The following ANKS1B variants were observed in gnomAD, a reference collection of about 807,000 sequenced individuals.
ANKS1B encodes ankyrin repeat and sterile alpha motif domain-containing protein 1B.
Under a neutral mutation model 148.3 loss-of-function variants are expected in ANKS1B, and 36 were observed. That is an observed-to-expected ratio of 0.24 (90% confidence interval 0.19 to 0.32). The LOEUF (loss-of-function observed/expected upper bound fraction) is 0.32. ANKS1B is among the 10% of genes least tolerant of loss of function. The probability of loss-of-function intolerance (pLI) is 1.00; values close to 1 mark genes in which losing one functional copy is unlikely to be tolerated. For missense variants in ANKS1B, 1,157 were observed against 1,542.6 expected (o/e 0.75, Z 4.19); for synonymous variants, 542 against 560.8 (o/e 0.97, Z 0.47).
chr12:99,962,142 T>C (rs1350579608), intron 1 of ANKS1B, among the ~76,000 whole-genome samples: 1 of 152,196 alleles, frequency 6.6e-6, no homozygotes, highest in East Asian at 1.9e-4. Flanking sequence ...TACATAGGTA[T>C]ACATGTGCCA....
At chr12:99,217,631 C>T (rs2084419239) in intron 14 of ANKS1B, among the ~76,000 whole-genome samples, 1 of 152,128 alleles carries the variant, frequency 6.6e-6, no homozygotes, top group South Asian at 2.1e-4. Flanking sequence ...TAGACCTGGT[C>T]CCTTTTCTCA....
chr12:99,467,020 C>T (rs2096130807), intron 10 of ANKS1B, among the ~76,000 whole-genome samples: 1 of 152,190 alleles, frequency 6.6e-6, no homozygotes, highest in South Asian at 2.1e-4. Flanking sequence ...CCTTGATGAA[C>T]ACTGATGCAA....
At chr12:99,108,474 C>A (rs895509178) in intron 15 of ANKS1B, among the ~76,000 whole-genome samples, 15 of 152,068 alleles carry the variant, frequency 9.9e-5, no homozygotes, top group African/African-American at 2.2e-4. Flanking sequence ...GGAATTGGGG[C>A]CCTGAAGAAA....
At chr12:99,648,209 C>T (rs2098390595) in intron 9 of ANKS1B, 1 of 1,614,110 alleles carries the variant, frequency 6.2e-7, no homozygotes, top group South Asian at 1.1e-5. Flanking sequence ...TATTACACGG[C>T]CCAAAGCAGC....
chr12:99,818,307 T>C (rs1457352680), intron 2 of ANKS1B, among the ~76,000 whole-genome samples: 1 of 151,822 alleles, frequency 6.6e-6, no homozygotes, highest in Non-Finnish European at 1.5e-5. Flanking sequence ...GCATGAAATA[T>C]TCAGTCATTG....
chr12:99,811,630 G>A (rs779598877), intron 3 of ANKS1B, among the ~76,000 whole-genome samples: 9 of 151,602 alleles, frequency 5.9e-5, no homozygotes, highest in African/African-American at 2.2e-4. Context: ...AACTTATTCT[G>A]GGCATATGTG....
chr12:99,431,321 T>C (rs1274265577), intron 11 of ANKS1B, among the ~76,000 whole-genome samples: 1 of 152,106 alleles, frequency 6.6e-6, no homozygotes, highest in African/African-American at 2.4e-5. Flanking sequence ...GATACCACTC[T>C]GTAACATCAT....
At chr12:99,648,672 G>A (rs1025377185) in intron 9 of ANKS1B, 1 of 1,614,014 alleles carries the variant, frequency 6.2e-7, no homozygotes, top group African/African-American at 1.3e-5. Context: ...TTGTTCACTG[G>A]GAAAACCTTG....
intron 8 of ANKS1B, among the ~76,000 whole-genome samples, chr12:99,663,850 TG>T (rs1209214150): frequency 6.6e-6 from 1 of 152,182 alleles, no homozygotes; most frequent in African/African-American, 2.4e-5. Context: ...ACAATTCCTC[TG>T]AAACGCTTAG....
At chr12:98,882,899 A>G (rs1253163917) in intron 17 of ANKS1B, among the ~76,000 whole-genome samples, 5 of 152,224 alleles carry the variant, frequency 3.3e-5, no homozygotes, top group Non-Finnish European at 7.4e-5. Context: ...TTGAAATACC[A>G]TGCAGTAATG....
At chr12:99,082,159 C>T (rs1380896147) in intron 16 of ANKS1B, among the ~76,000 whole-genome samples, 1 of 152,082 alleles carries the variant, frequency 6.6e-6, no homozygotes, top group African/African-American at 2.4e-5. Flanking sequence ...ATAAGACAGT[C>T]AAGGTCCCTG....
At chr12:99,370,138 A>C (rs185211427) in intron 12 of ANKS1B, among the ~76,000 whole-genome samples, 1 of 152,280 alleles carries the variant, frequency 6.6e-6, no homozygotes, top group African/African-American at 2.4e-5. Flanking sequence ...AGTCTTCAGC[A>C]GCTAACGGCA....
chr12:98,823,706 G>T (rs1386656441), intron 19 of ANKS1B, among the ~76,000 whole-genome samples: 2 of 152,264 alleles, frequency 1.3e-5, no homozygotes, highest in Non-Finnish European at 2.9e-5. Flanking sequence ...TGGCCAGGCT[G>T]GTCTCAAACT....
intron 3 of ANKS1B, among the ~76,000 whole-genome samples, chr12:99,808,793 T>C (rs1404969922): frequency 2.0e-5 from 3 of 152,064 alleles, no homozygotes; most frequent in Non-Finnish European, 4.4e-5. Context: ...GAAAGGCCAG[T>C]TATGAAATAA....
At position 99,167,715 on chromosome 12, in the gene ANKS1B, T is replaced by TA. The variant is rs538642990; in HGVS notation, c.2420-13321dup. On this transcript the variant is annotated intron_variant, in intron 14 of 26. Coordinates refer to ENST00000683438, the MANE Select transcript of ANKS1B (RefSeq NM_001352186.2). Reference sequence around the variant, plus strand: ...CTGCTGAATATTTACCCAAAAGAAATAAAAACATATGCCATACAGAGACTT... The same window carrying TA: ...CTGCTGAATATTTACCCAAAAGAAATAAAAAACATATGCCATACAGAGACTT... Among the ~76,000 whole-genome samples, 304 of 152,166 alleles carry TA rather than the reference T, an allele frequency of 2.0e-3. 2 individuals carry two copies. Among genetic ancestry groups the TA allele is most frequent in the African/African-American group, 7.1e-3 (293 of 41,530 alleles).
intron 17 of ANKS1B, chr12:98,976,329 G>A (rs932583697): frequency 7.9e-5 from 12 of 152,296 alleles, no homozygotes; most frequent in African/African-American, 2.6e-4. Context: ...GTCAAGCCTA[G>A]CCATGCTAGA....
chr12:99,005,212 G>A (rs952289325), intron 17 of ANKS1B, among the ~76,000 whole-genome samples: 1 of 152,222 alleles, frequency 6.6e-6, no homozygotes, highest in Non-Finnish European at 1.5e-5. Context: ...AAATGCGGGA[G>A]CGTAGCTGTG....
intron 14 of ANKS1B, among the ~76,000 whole-genome samples, chr12:99,160,813 T>G (rs2076584743): frequency 6.6e-6 from 1 of 152,174 alleles, no homozygotes; most frequent in Non-Finnish European, 1.5e-5. Context: ...CCTCATTGCT[T>G]ATTTTTGTTG....
At chr12:99,879,133 C>A (rs1299694390) in intron 1 of ANKS1B, among the ~76,000 whole-genome samples, 1 of 152,116 alleles carries the variant, frequency 6.6e-6, no homozygotes, top group African/African-American at 2.4e-5. Context: ...TCAGGAAGCC[C>A]GTTAGTTTCC....
Sources: gnomAD v4.1 joint callset for allele counts (sites outside exome capture counted in the v4.1 genomes callset) on GRCh38, gnomAD v4.1.1 for gene constraint, MANE v1.5 for transcripts, NCBI Gene and HGNC (gene_info 2026-07-23, HGNC 2026-07-21) for gene names.